The following GALK2 variants were observed in gnomAD, a reference collection of about 807,000 sequenced individuals.
GALK2 encodes N-acetylgalactosamine kinase.
In GALK2, 36 loss-of-function variants were observed where a neutral mutation model predicts 52.4. That is an observed-to-expected ratio of 0.69 (90% CI 0.53 to 0.91). The LOEUF is 0.91. Among genes scored for constraint, GALK2 ranks in the 40% least tolerant of loss-of-function variants. The pLI, the probability that GALK2 is intolerant of heterozygous loss-of-function variation, is 0.00. For synonymous variants in GALK2, 176 were observed against 199.1 expected (o/e 0.88, Z 0.98); for missense variants, 579 against 559.1 (o/e 1.04, Z -0.36).
intron 5 of GALK2, among the ~76,000 whole-genome samples, chr15:49,268,189 A>T (rs528563790): frequency 2.6e-5 from 4 of 152,204 alleles, no homozygotes; most frequent in Non-Finnish European, 4.4e-5. Flanking sequence ...GCTTAGACTA[A>T]TGGAGGAAGA....
At chr15:49,361,557 T>C (rs1202821729) in intron 3 of GALK2, among the ~76,000 whole-genome samples, 1 of 152,206 alleles carries the variant, frequency 6.6e-6, no homozygotes, top group Non-Finnish European at 1.5e-5. Flanking sequence ...TCCATTCATA[T>C]TGCTGCAAAG....
intron 8 of GALK2, among the ~76,000 whole-genome samples, chr15:49,308,569 A>G (rs1284463746): frequency 1.3e-5 from 2 of 152,194 alleles, no homozygotes; most frequent in East Asian, 1.9e-4. Flanking sequence ...CTGAAAACCA[A>G]TGCTCTGCAT....
intron 3 of GALK2, among the ~76,000 whole-genome samples, chr15:49,351,181 A>G (rs11070687): frequency 0.41 from 62,972 of 152,092 alleles, 13,174 homozygotes; most frequent in African/African-American, 0.43. Context: ...TAAGAACTGC[A>G]TAGGCACAGT....
intron 8 of GALK2, among the ~76,000 whole-genome samples, chr15:49,298,638 T>C (rs979326859): frequency 6.6e-6 from 1 of 152,156 alleles, no homozygotes; most frequent in Non-Finnish European, 1.5e-5. Context: ...TTGAATTTTA[T>C]TGAAAGTCTT....
intron 1 of GALK2, 157 bp downstream of exon 1, chr15:49,170,532 A>ATT: frequency 1.5e-6 from 1 of 664,952 alleles, no homozygotes; most frequent in South Asian, 1.9e-5. Context: ...TGGGCTTGCA[A>ATT]AAAAGATCAC....
intron 8 of GALK2, chr15:49,318,857 C>G (rs1325977931): frequency 4.6e-6 from 2 of 431,534 alleles, no homozygotes; most frequent in Non-Finnish European, 9.1e-6. Flanking sequence ...TCACTTCACT[C>G]TATTGAGCCT....
intron 7 of GALK2, among the ~76,000 whole-genome samples, chr15:49,286,160 A>G (rs895729539): frequency 6.6e-6 from 1 of 152,154 alleles, no homozygotes; most frequent in Non-Finnish European, 1.5e-5. Context: ...ACTTATCACA[A>G]TCATTTATTT....
chr15:49,299,759 C>CT (rs1349636560), intron 8 of GALK2, among the ~76,000 whole-genome samples: 36 of 113,514 alleles, frequency 3.2e-4, no homozygotes, highest in South Asian at 6.0e-4. Flanking sequence ...TTCTTTCTTT[C>CT]TTTCTTTCTT....
chr15:49,198,750 T>C (rs1237685824), intron 1 of GALK2: 1 of 152,014 alleles, frequency 6.6e-6, no homozygotes, highest in African/African-American at 2.4e-5. Flanking sequence ...TTTCTAGTAG[T>C]AGTTTTAGAT....
intron 2 of GALK2, among the ~76,000 whole-genome samples, chr15:49,208,926 T>C (rs2088561977): frequency 6.6e-6 from 1 of 152,240 alleles, no homozygotes; most frequent in African/African-American, 2.4e-5. Flanking sequence ...TTGTCTCTTT[T>C]AACTGCTCTT....
intron 1 of GALK2, among the ~76,000 whole-genome samples, chr15:49,196,102 C>G (rs550813135): frequency 1.3e-5 from 2 of 151,868 alleles, no homozygotes. Context: ...TTCCTAAAAC[C>G]GCAGGCTTTG....
At chr15:49,179,042 A>T (rs1477285329) in intron 1 of GALK2, among the ~76,000 whole-genome samples, 3 of 152,080 alleles carry the variant, frequency 2.0e-5, no homozygotes, top group African/African-American at 7.2e-5. Flanking sequence ...AAGATCTCTA[A>T]TATAATTTTA....
chr15:49,170,591 T>A, intron 1 of GALK2: 1 of 554,560 alleles, frequency 1.8e-6, no homozygotes, highest in Non-Finnish European at 3.2e-6. Context: ...GTATGTTTTT[T>A]TCTTCATCCA....
Position 49,235,949 on chromosome 15 carries a change from G to A in GALK2, c.357+8G>A. On this transcript the variant is annotated splice_region_variant and intron_variant, in intron 4 of 9. Transcript: ENST00000560031. The stretch of plus-strand genomic sequence containing the variant: ...GGACTTAAAGGAATTCAGGTAAATT[G>A]GTTTATAAGGCACTTACTACCAGTT... 1 of 1,538,734 alleles carries A rather than the reference G, an allele frequency of 6.5e-7. No homozygotes were observed. Among genetic ancestry groups the A allele is most frequent in the Non-Finnish European group, 9.0e-7 (1 of 1,111,850 alleles).
chr15:49,356,807 A>G (rs1296534279), intron 3 of GALK2, among the ~76,000 whole-genome samples: 2 of 75,210 alleles, frequency 2.7e-5, no homozygotes, highest in Non-Finnish European at 5.1e-5. Context: ...CACCACACCT[A>G]TTCCAAAATT....
intron 5 of GALK2, among the ~76,000 whole-genome samples, chr15:49,261,876 AT>A: frequency 6.6e-6 from 1 of 152,092 alleles, no homozygotes; most frequent in South Asian, 2.1e-4. Flanking sequence ...ACATTTATTG[AT>A]TTGTGTATAT....
chr15:49,325,535 T>C (rs1329469950), intron 9 of GALK2, among the ~76,000 whole-genome samples: 1 of 152,254 alleles, frequency 6.6e-6, no homozygotes, highest in Non-Finnish European at 1.5e-5. Context: ...AGAATTTCTA[T>C]GGCATATGCC....
At chr15:49,347,847 C>T (rs553222957) in intron 3 of GALK2, among the ~76,000 whole-genome samples, 4 of 151,886 alleles carry the variant, frequency 2.6e-5, no homozygotes, top group East Asian at 1.9e-4. Flanking sequence ...GGTGAAACCC[C>T]GTCTCTACTA....
intron 5 of GALK2, among the ~76,000 whole-genome samples, chr15:49,248,259 A>G (rs1223454858): frequency 2.0e-5 from 3 of 152,264 alleles, no homozygotes; most frequent in African/African-American, 4.8e-5. Context: ...GTTACATGGT[A>G]TAAGAAAAAT....
Sources: allele counts gnomAD v4.1 joint callset (sites outside exome capture counted in the v4.1 genomes callset), GRCh38; gene constraint gnomAD v4.1.1; transcripts MANE v1.5; gene names NCBI Gene and HGNC (gene_info 2026-07-23, HGNC 2026-07-21).